Variants in LRFN5 observed in about 807,000 individuals in gnomAD.
The protein encoded by LRFN5 is leucine rich repeat and fibronectin type III domain containing 5.
In LRFN5, 24 loss-of-function variants were observed where a neutral mutation model predicts 45.6. The observed-to-expected ratio is 0.53, with a 90% confidence interval of 0.38 to 0.74. The LOEUF is 0.74. Ranked by LOEUF, LRFN5 falls within the 30% of genes least tolerant of loss-of-function variation. The probability of loss-of-function intolerance (pLI) is 0.00; values close to 1 mark genes in which losing one functional copy is unlikely to be tolerated. For synonymous variants in LRFN5, 340 were observed against 313.8 expected, an observed-to-expected ratio of 1.08 and a Z score of -0.88; for missense variants, 776 against 861.5, an observed-to-expected ratio of 0.90 and a Z score of 1.24.
intron 2 of LRFN5, among the ~76,000 whole-genome samples, chr14:41,830,096 T>G (rs972796872): frequency 4.0e-5 from 6 of 151,512 alleles, no homozygotes; most frequent in Non-Finnish European, 8.9e-5. Context: ...TTTCAGATCA[T>G]ACAATTATTT....
intron 2 of LRFN5, among the ~76,000 whole-genome samples, chr14:41,808,197 G>GGGAAGGAAGGAA (rs141262386): frequency 0.16 from 15,926 of 100,784 alleles, 1,537 homozygotes; most frequent in Non-Finnish European, 0.17. Context: ...AGGAAGTAGA[G>GGGAAGGAAGGAA]GGAAGGAAGG....
At chr14:41,658,629 T>C (rs1880487333) in intron 1 of LRFN5, among the ~76,000 whole-genome samples, 1 of 151,992 alleles carries the variant, frequency 6.6e-6, no homozygotes, top group African/African-American at 2.4e-5. Flanking sequence ...TGATACGCAA[T>C]TATCCTATTA....
intron 2 of LRFN5, among the ~76,000 whole-genome samples, chr14:41,788,735 A>T (rs1200787500): frequency 6.6e-6 from 1 of 152,016 alleles, no homozygotes. Flanking sequence ...ATAGAGATTC[A>T]AAGTCCTTTT....
At chr14:41,782,974 CTTTTTTT>C (rs57305924) in intron 2 of LRFN5, among the ~76,000 whole-genome samples, 1 of 127,634 alleles carries the variant, frequency 7.8e-6, no homozygotes, top group Non-Finnish European at 1.6e-5. Flanking sequence ...GGTGATACAG[CTTTTTTT>C]TTTTTTTTTC....
chr14:41,805,828 C>T (rs1028170235), intron 2 of LRFN5, among the ~76,000 whole-genome samples: 5 of 152,144 alleles, frequency 3.3e-5, no homozygotes, highest in Non-Finnish European at 7.3e-5. Context: ...CCTGGTGCAA[C>T]TCCTCAGAGT....
intron 2 of LRFN5, among the ~76,000 whole-genome samples, chr14:41,778,015 G>GC (rs1486432735): frequency 1.3e-4 from 11 of 82,236 alleles, no homozygotes; most frequent in Admixed American, 2.7e-4. Context: ...TTTTGGTGGG[G>GC]GGGGGGGATT....
chr14:41,791,970 C>T (rs1177547498), intron 2 of LRFN5, among the ~76,000 whole-genome samples: 1 of 152,032 alleles, frequency 6.6e-6, no homozygotes, highest in Non-Finnish European at 1.5e-5. Context: ...TATGCTTTTG[C>T]AGCAAACATG....
At chr14:41,732,979 C>T (rs937586472) in intron 1 of LRFN5, among the ~76,000 whole-genome samples, 3 of 151,324 alleles carry the variant, frequency 2.0e-5, no homozygotes, top group Admixed American at 1.3e-4. Flanking sequence ...AGAAAGATTT[C>T]ATCAGGCTGG....
At chr14:41,715,517 C>T (rs1375531233) in intron 1 of LRFN5, among the ~76,000 whole-genome samples, 1 of 152,122 alleles carries the variant, frequency 6.6e-6, no homozygotes, top group Non-Finnish European at 1.5e-5. Flanking sequence ...CAGATGGACA[C>T]TTTTTTCAGA....
intron 2 of LRFN5, among the ~76,000 whole-genome samples, chr14:41,812,381 A>G (rs1430113591): frequency 6.6e-6 from 1 of 151,852 alleles, no homozygotes; most frequent in Non-Finnish European, 1.5e-5. Flanking sequence ...TAGCTCCCTT[A>G]TTTCCTGGGA....
chr14:41,675,540 C>T (rs910089224), intron 1 of LRFN5, among the ~76,000 whole-genome samples: 22 of 152,030 alleles, frequency 1.4e-4, no homozygotes, highest in African/African-American at 3.6e-4. Flanking sequence ...TGCAGTGAGC[C>T]GAGATGGCAG....
intron 1 of LRFN5, among the ~76,000 whole-genome samples, chr14:41,704,448 C>CTGTGTGTGTGTGTGTGTGTGTG (rs59129586): frequency 4.7e-4 from 59 of 124,288 alleles, no homozygotes; most frequent in African/African-American, 1.9e-3. Flanking sequence ...CTCTCTCTCT[C>CTGTGTGTGTGTGTGTGTGTGTG]TGTGTGTGTG....
chr14:41,767,790 G>A (rs117004851), intron 2 of LRFN5, among the ~76,000 whole-genome samples: 1 of 152,122 alleles, frequency 6.6e-6, no homozygotes, highest in Non-Finnish European at 1.5e-5. Context: ...TTAGTTAAAA[G>A]ATTATTTATG....
At chr14:41,667,788 A>G (rs996804786) in intron 1 of LRFN5, among the ~76,000 whole-genome samples, 7 of 151,996 alleles carry the variant, frequency 4.6e-5, no homozygotes, top group Admixed American at 3.9e-4. Context: ...ATTGGATCCT[A>G]TTCTTCCCAA....
intron 1 of LRFN5, among the ~76,000 whole-genome samples, chr14:41,664,352 C>G (rs1290303302): frequency 6.6e-6 from 1 of 151,752 alleles, no homozygotes; most frequent in Non-Finnish European, 1.5e-5. Flanking sequence ...TTTCAGTTGT[C>G]TGTGCCATCA....
intron 1 of LRFN5, among the ~76,000 whole-genome samples, chr14:41,647,831 G>C (rs1443794948): frequency 1.3e-5 from 2 of 152,158 alleles, no homozygotes; most frequent in African/African-American, 4.8e-5. Flanking sequence ...AAAAAACTGA[G>C]AGGACTAGAC....
intron 2 of LRFN5, among the ~76,000 whole-genome samples, chr14:41,768,242 A>G (rs1431885888): frequency 6.6e-6 from 1 of 152,184 alleles, no homozygotes; most frequent in African/African-American, 2.4e-5. Context: ...TAATTATATA[A>G]CATTTAAAAT....
chr14:41,900,237 G>A (rs1891062801), intron 5 of LRFN5, among the ~76,000 whole-genome samples: 1 of 152,012 alleles, frequency 6.6e-6, no homozygotes, highest in African/African-American at 2.4e-5. Flanking sequence ...GGTACTAAAT[G>A]TTGTTTCAAA....
intron 2 of LRFN5, among the ~76,000 whole-genome samples, chr14:41,808,724 CCTT>C (rs1169152500): frequency 2.6e-5 from 4 of 151,998 alleles, no homozygotes; most frequent in African/African-American, 9.7e-5. Flanking sequence ...AAGTAAAACT[CCTT>C]CTAACATTTC....
Sources: allele counts gnomAD v4.1 joint callset (sites outside exome capture counted in the v4.1 genomes callset), GRCh38; gene constraint gnomAD v4.1.1; transcripts MANE v1.5; gene names NCBI Gene and HGNC (gene_info 2026-07-23, HGNC 2026-07-21).